The following IL1RAPL1 variants were observed in gnomAD, a reference collection of about 807,000 sequenced individuals.
The protein encoded by IL1RAPL1 is interleukin-1 receptor accessory protein-like 1.
Under a neutral mutation model 48.4 loss-of-function variants are expected in IL1RAPL1, and 3 were observed. The ratio of observed to expected loss-of-function variants is 0.06; its 90% CI spans 0.03 to 0.16. The LOEUF (loss-of-function observed/expected upper bound fraction) is 0.16, where lower values mean the gene tolerates loss of function less well. Among genes scored for constraint, IL1RAPL1 ranks in the 10% least tolerant of loss-of-function variants. IL1RAPL1 has a pLI of 1.00. For missense variants in IL1RAPL1, 349 were observed against 530.6 expected (o/e 0.66, Z 3.36); for synonymous variants, 185 against 187.7 (o/e 0.99, Z 0.12).
intron 9 of IL1RAPL1, among the ~76,000 whole-genome samples, chrX:29,953,359 C>T (rs969972804): frequency 3.6e-5 from 4 of 111,272 alleles, no homozygotes; most frequent in African/African-American, 9.8e-5. Flanking sequence ...AAAGACTATC[C>T]GGAAGATAAA....
chrX:29,099,012 C>T, intron 2 of IL1RAPL1, among the ~76,000 whole-genome samples: 1 of 110,620 alleles, frequency 9.0e-6, no homozygotes, highest in Non-Finnish European at 1.9e-5. Context: ...ATTAGCTGGG[C>T]ATGGTGGTGG....
chrX:29,305,003 A>G (rs1932596105), intron 3 of IL1RAPL1, among the ~76,000 whole-genome samples: 1 of 112,385 alleles, frequency 8.9e-6, no homozygotes, highest in Non-Finnish European at 1.9e-5. Flanking sequence ...GACTGTGCTA[A>G]TCATTGAAGA....
intron 6 of IL1RAPL1, among the ~76,000 whole-genome samples, chrX:29,911,144 A>C (rs1309886478): frequency 8.9e-6 from 1 of 111,818 alleles, no homozygotes; most frequent in African/African-American, 3.3e-5. Context: ...CAAAATCAAC[A>C]TATGGGATAT....
At chrX:29,705,792 G>A (rs975424184) in intron 6 of IL1RAPL1, among the ~76,000 whole-genome samples, 15 of 112,123 alleles carry the variant, frequency 1.3e-4, no homozygotes, top group South Asian at 1.1e-3. Flanking sequence ...TTAGAGCCAC[G>A]TTTTTAACAT....
chrX:29,396,294 G>A lies in IL1RAPL1; in HGVS notation c.399G>A (p.Leu133=). The A allele has an allele frequency of 8.3e-7, 1 of 1,207,477 alleles. No homozygotes were observed. The highest frequency in any genetic ancestry group is 1.1e-6 in the Non-Finnish European group (1 of 891,603). The change falls in exon 4 of 11, where the codon CTG becomes CTA. Residue 133 remains leucine (L), a synonymous_variant. Transcript: ENST00000378993. ...STYCMKVSIS[L]TVGENDTGLC... ...ACTGTATGAAAGTATCCATCTCACT[G>A]ACAGTGGGTGAAAATGACACTGGAC...
At chrX:28,657,465 G>A (rs779264078) in intron 1 of IL1RAPL1, among the ~76,000 whole-genome samples, 8 of 112,283 alleles carry the variant, frequency 7.1e-5, no homozygotes, top group Non-Finnish European at 1.5e-4. Flanking sequence ...AGAAACTAAA[G>A]GGAAGGAAAA....
intron 2 of IL1RAPL1, among the ~76,000 whole-genome samples, chrX:29,072,687 G>A (rs1927590576): frequency 9.0e-6 from 1 of 111,241 alleles, no homozygotes; most frequent in Admixed American, 9.6e-5. Flanking sequence ...GTTGACACTT[G>A]GTAAAATTCA....
intron 6 of IL1RAPL1, among the ~76,000 whole-genome samples, chrX:29,727,414 G>A (rs1388226665): frequency 1.8e-5 from 2 of 111,741 alleles, no homozygotes; most frequent in Non-Finnish European, 3.8e-5. Context: ...AAACCCTTTG[G>A]GTAAATTAGC....
intron 5 of IL1RAPL1, among the ~76,000 whole-genome samples, chrX:29,457,225 A>C (rs2340371): frequency 0.044 from 4,419 of 100,904 alleles, 262 homozygotes; most frequent in African/African-American, 0.15. Flanking sequence ...TGTTTCCTTT[A>C]ATTTTTTTTC....
chrX:29,270,327 G>T (rs975681749), intron 2 of IL1RAPL1, among the ~76,000 whole-genome samples: 1 of 111,765 alleles, frequency 8.9e-6, no homozygotes, highest in Non-Finnish European at 1.9e-5. Context: ...TATGCTTTTG[G>T]TGTCTTATCT....
chrX:28,946,425 T>C (rs986497055), intron 2 of IL1RAPL1, among the ~76,000 whole-genome samples: 12 of 111,123 alleles, frequency 1.1e-4, no homozygotes, highest in African/African-American at 3.9e-4. Context: ...TATATAATTA[T>C]AGAAAACTTA....
intron 3 of IL1RAPL1, among the ~76,000 whole-genome samples, chrX:29,355,096 C>T (rs1264730198): frequency 8.9e-6 from 1 of 111,873 alleles, no homozygotes; most frequent in East Asian, 2.8e-4. Context: ...TAATAAGACT[C>T]CAGTCTTCTT....
chrX:29,044,941 A>G (rs750184695), intron 2 of IL1RAPL1, among the ~76,000 whole-genome samples: 12 of 111,803 alleles, frequency 1.1e-4, no homozygotes, highest in African/African-American at 2.6e-4. Flanking sequence ...TAGTTTTCCA[A>G]TCTCCGGCAG....
chrX:29,864,489 C>T (rs1396442114), intron 6 of IL1RAPL1, among the ~76,000 whole-genome samples: 1 of 111,879 alleles, frequency 8.9e-6, no homozygotes, highest in Non-Finnish European at 1.9e-5. Flanking sequence ...TTAGCATTAA[C>T]AGAAGAATGT....
chrX:28,701,042 G>A (rs773104521), intron 1 of IL1RAPL1, among the ~76,000 whole-genome samples: 13 of 111,802 alleles, frequency 1.2e-4, no homozygotes, highest in Admixed American at 1.9e-4. Context: ...ATAGTAGAAT[G>A]TTTTATAATC....
Position 29,732,364 on chromosome X carries a change from T to A in IL1RAPL1, c.778+63860T>A, listed in dbSNP as rs140152152. Among the ~76,000 whole-genome samples the A allele has an allele frequency of 1.6e-3, 181 of 111,996 alleles. 1 individual carries two copies. Among genetic ancestry groups the A allele is most frequent in the African/African-American group, 5.3e-3 (165 of 30,897 alleles). On this transcript the variant is annotated intron_variant, in intron 6 of 10. Transcript: ENST00000378993. The stretch of plus-strand genomic sequence containing the variant: ...TGGGACAAAGTAATTCATCTGATCA[T>A]ATCTTTACTCATTTTCAGTCCTTAT...
intron 1 of IL1RAPL1, among the ~76,000 whole-genome samples, chrX:28,628,671 C>G (rs1934367295): frequency 8.9e-6 from 1 of 111,965 alleles, no homozygotes; most frequent in Non-Finnish European, 1.9e-5. Flanking sequence ...CTTGTTTTCA[C>G]CAGATGAAAG....
chrX:29,520,026 A>G (rs1935487395), intron 5 of IL1RAPL1, among the ~76,000 whole-genome samples: 1 of 112,205 alleles, frequency 8.9e-6, no homozygotes, highest in African/African-American at 3.2e-5. Context: ...GATAATGTGA[A>G]ATGTGCTTAA....
intron 5 of IL1RAPL1, among the ~76,000 whole-genome samples, chrX:29,435,546 A>G (rs145063809): frequency 0.01 from 1,117 of 110,665 alleles, 6 homozygotes; most frequent in Middle Eastern, 0.023. Context: ...GTGGTACCTC[A>G]TTGTGGTTTT....
Sources: allele counts gnomAD v4.1 joint callset (sites outside exome capture counted in the v4.1 genomes callset), GRCh38; gene constraint gnomAD v4.1.1; transcripts MANE v1.5; gene names NCBI Gene and HGNC (gene_info 2026-07-23, HGNC 2026-07-21).